RECQL: variants seen among roughly 807,000 people sequenced by gnomAD.
RECQL encodes the protein ATP-dependent DNA helicase Q1.
In RECQL, 73 loss-of-function variants were observed where a neutral mutation model predicts 75.8. That is an observed-to-expected ratio of 0.96 (90% CI 0.80 to 1.17). RECQL has a LOEUF of 1.17. Among genes scored for constraint, RECQL ranks in the 50% most tolerant of loss-of-function variants. The pLI, the probability that RECQL is intolerant of heterozygous loss-of-function variation, is 0.00. For synonymous variants in RECQL, 248 were observed against 254.4 expected (o/e 0.97, Z 0.24); for missense variants, 699 against 772.1 (o/e 0.91, Z 1.12).
intron 6 of RECQL, among the ~76,000 whole-genome samples, chr12:21,479,286 AC>A (rs1257057291): frequency 1.3e-5 from 2 of 152,146 alleles, no homozygotes; most frequent in African/African-American, 4.8e-5. Flanking sequence ...AAAGCTATGA[AC>A]AATTCAACCA....
At chr12:21,471,120 A>G (rs754533467) in intron 13 of RECQL, 22 bp from the exon 14 acceptor site, 5 of 1,549,444 alleles carry the variant, frequency 3.2e-6, no homozygotes, top group Admixed American at 2.3e-5. Flanking sequence ...AAAGGCCAAC[A>G]ATAAGAAAGC....
At position 21,496,308 on chromosome 12, in the gene RECQL, G is replaced by A. The variant is rs370733695; in HGVS notation, c.16+3247C>T. On this transcript the variant is annotated intron_variant, in intron 2 of 14. Coordinates refer to ENST00000444129, the MANE Select transcript of RECQL (RefSeq NM_002907.4). ...ATTAATAAGACAGAACACATGCCCT[G>A]GCATCTGGCTTCAGCTATTGATCTG... Among the ~76,000 whole-genome samples, 8 of 152,316 alleles carry A rather than the reference G, an allele frequency of 5.3e-5. No individual in the cohort carries two copies. In the East Asian group the frequency reaches 5.8e-4, roughly 11 times the overall value.
chr12:21,477,921 A>C lies in RECQL; in HGVS notation c.749T>G (p.Leu250Arg). The change falls in exon 7 of 15, where the codon CTA becomes CGA. Residue 250 changes from leucine (L) to arginine (R), a missense_variant. Physicochemically the swap from Leu to Arg is moderately radical, Grantham distance 102 (BLOSUM62 -2). Around this residue, in one of 2 missense-constraint regions of RECQL, gnomAD observed 669 missense variants for 713.5 expected, o/e 0.94. Coordinates refer to ENST00000444129, the MANE Select transcript of RECQL (RefSeq NM_002907.4). ...ILKRQFPNAS[L>R]IGLTATATNH... ...TGTTGCAGTTGCAGTCAGCCCAATT[A>C]GTGATGCGTTAGGGAACTGCCGCTT... 1 of 1,613,838 alleles carries C rather than the reference A, an allele frequency of 6.2e-7. No homozygotes were observed. The highest frequency in any genetic ancestry group is 8.5e-7 in the Non-Finnish European group (1 of 1,179,868).
At chr12:21,473,731 T>G (rs1943029618) in intron 11 of RECQL, 89 bp from the exon 12 acceptor site, 1 of 1,033,474 alleles carries the variant, frequency 9.7e-7, no homozygotes, top group African/African-American at 1.6e-5. Context: ...ATATACTGTA[T>G]TAGCTTCCTA....
In RECQL at chr12:21,491,584, A is replaced by G. The variant is rs374048199; in HGVS notation, c.149T>C (p.Leu50Ser). ...KVLTKKIKQC[L>S]EDSDAGASNE... Reference sequence around the variant, plus strand: ...GCTTGCCCCGGCATCAGAATCCTCTAAACACTGCTTTATTTTCTTTGTCAG... The same window carrying G: ...GCTTGCCCCGGCATCAGAATCCTCTGAACACTGCTTTATTTTCTTTGTCAG... The change falls in exon 3 of 15, where the codon TTA becomes TCA. Residue 50 changes from leucine to serine, a missense_variant. Physicochemically the swap from Leu to Ser is moderately radical, Grantham distance 145. Coordinates refer to ENST00000444129, the MANE Select transcript of RECQL (RefSeq NM_002907.4). The G allele has an allele frequency of 1.2e-6, 2 of 1,612,952 alleles. No individual in the cohort carries two copies. Among genetic ancestry groups the G allele is most frequent in the Non-Finnish European group, 1.7e-6 (2 of 1,179,878 alleles).
chr12:21,500,762 GT>G (rs1350284849), intron 1 of RECQL, among the ~76,000 whole-genome samples: 1 of 152,118 alleles, frequency 6.6e-6, no homozygotes, highest in Non-Finnish European at 1.5e-5. Context: ...GAGGGCTCAG[GT>G]TTGCTAAGGT....
intron 2 of RECQL, among the ~76,000 whole-genome samples, chr12:21,498,652 G>A (rs946636701): frequency 2.0e-5 from 3 of 152,180 alleles, no homozygotes; most frequent in Non-Finnish European, 4.4e-5. Context: ...GGATAAGGAA[G>A]AGTATGTCTG....
chr12:21,477,012 T>C lies in RECQL; in HGVS notation c.868-20A>G. On this transcript the variant is annotated intron_variant, in intron 7 of 14. Coordinates refer to ENST00000444129, the MANE Select transcript of RECQL (RefSeq NM_002907.4). ...CCGAACCTAAAAAAAACTTAACTTA[T>C]TAAAAAGTAAATGAATGAGTACCAT... The C allele has an allele frequency of 6.3e-7, 1 of 1,579,280 alleles. No individual in the cohort carries two copies. Among genetic ancestry groups the C allele is most frequent in the Non-Finnish European group, 8.6e-7 (1 of 1,157,356 alleles).
intron 11 of RECQL, among the ~76,000 whole-genome samples, chr12:21,474,162 C>T (rs1233723326): frequency 1.3e-5 from 2 of 152,050 alleles, no homozygotes; most frequent in Non-Finnish European, 2.9e-5. Context: ...AATAAAGTAG[C>T]AATATTTGAG....
intron 12 of RECQL, among the ~76,000 whole-genome samples, chr12:21,471,964 G>A (rs1942978416): frequency 6.6e-6 from 1 of 152,052 alleles, no homozygotes; most frequent in African/African-American, 2.4e-5. Flanking sequence ...TAAGAGGTGT[G>A]TTTTATAGGA....
rs138888647 is a variant in RECQL at position 21,491,649 on chromosome 12, A to C, written c.84T>G (p.Leu28=). The C allele has an allele frequency of 1.2e-6, 2 of 1,613,466 alleles. No individual in the cohort carries two copies. The highest frequency in any genetic ancestry group is 2.7e-5 in the African/African-American group (2 of 74,768). The part of the protein sequence containing the change: ...LHAVEIQIQE[L]TERQQELIQK... ...GAATAAGCTCTTGTTGCCTTTCCGT[A>C]AGTTCTTGAATTTGAATTTCTACTG... is the stretch of plus-strand genomic sequence containing the variant. The change falls in exon 3 of 15, where the codon CTT becomes CTG. Residue 28 remains leucine, a synonymous_variant. Transcript: ENST00000444129.
chr12:21,498,478 CA>C (rs1565577546), intron 2 of RECQL, among the ~76,000 whole-genome samples: 1 of 152,064 alleles, frequency 6.6e-6, no homozygotes, highest in African/African-American at 2.4e-5. Context: ...ATGCTTGTAC[CA>C]GGGGAAAAAG....
At chr12:21,471,817 GT>G in intron 12 of RECQL, among the ~76,000 whole-genome samples, 170 bp from the exon 13 acceptor site, 1 of 151,974 alleles carries the variant, frequency 6.6e-6, no homozygotes, top group East Asian at 1.9e-4. Context: ...TCAAGTCTCT[GT>G]CACTAGACCA....
intron 2 of RECQL, among the ~76,000 whole-genome samples, chr12:21,496,238 T>G (rs373543397): frequency 2.6e-5 from 4 of 152,364 alleles, no homozygotes; most frequent in African/African-American, 9.6e-5. Flanking sequence ...CCAAAATTAA[T>G]AAGGCTGTGG....
chr12:21,471,761 A>G, intron 12 of RECQL, 114 bp from the exon 13 acceptor site: 1 of 609,732 alleles, frequency 1.6e-6, no homozygotes, highest in Non-Finnish European at 2.6e-6. Flanking sequence ...GAGCCACCCT[A>G]AACATTGATT....
intron 13 of RECQL, 71 bp from the exon 14 acceptor site, chr12:21,471,169 T>C: frequency 3.6e-6 from 5 of 1,388,454 alleles, no homozygotes; most frequent in Non-Finnish European, 4.8e-6. Context: ...ATAAAAGAAA[T>C]AACTATATGC....
rs774302679 is a variant in RECQL, at chr12:21,477,881, C to T, written c.789G>A (p.Thr263=). Reference sequence around the variant, plus strand: ...CAATGCACAAAATTTTCTGAGCATCCGTCAAAACGTGATTTGTTGCAGTTG... The same window carrying T: ...CAATGCACAAAATTTTCTGAGCATCTGTCAAAACGTGATTTGTTGCAGTTG... ...LTATATNHVL[T]DAQKILCIEK... is the part of the protein sequence containing the mutation. The change falls in exon 7 of 15, where the codon ACG becomes ACA. Residue 263 remains threonine (T), a synonymous_variant. Coordinates refer to ENST00000444129, the MANE Select transcript of RECQL (RefSeq NM_002907.4). The T allele has an allele frequency of 3.7e-5, 59 of 1,613,564 alleles. No homozygotes were observed. The highest frequency in any genetic ancestry group is 4.7e-5 in the Non-Finnish European group (56 of 1,179,784).
intron 13 of RECQL, 163 bp downstream of exon 13, chr12:21,471,262 CTTT>C: frequency 1.0e-6 from 1 of 989,584 alleles, no homozygotes; most frequent in Non-Finnish European, 1.4e-6. Context: ...ATTTTCGTTA[CTTT>C]TTTTTATTTA....
chr12:21,475,610 G>A, intron 9 of RECQL, 25 bp from the exon 10 acceptor site: 1 of 1,605,512 alleles, frequency 6.2e-7, no homozygotes, highest in Non-Finnish European at 8.5e-7. Context: ...CATTTTATCA[G>A]TTAATTAAAT....
Sources: gnomAD v4.1 joint callset for allele counts (sites outside exome capture counted in the v4.1 genomes callset) on GRCh38, gnomAD v4.1.1 for gene constraint, gnomAD v4.1.1 regional missense constraint, MANE v1.5 for transcripts, NCBI Gene and HGNC (gene_info 2026-07-23, HGNC 2026-07-21) for gene names.